Variants in STRN3 observed in about 807,000 individuals in gnomAD.
STRN3 encodes the protein striatin-3.
A neutral mutation model predicts 95.6 loss-of-function variants in STRN3; 29 were observed. The ratio of observed to expected loss-of-function variants is 0.30; its 90% CI spans 0.23 to 0.41. STRN3 has a LOEUF of 0.41. STRN3 is among the 10% of genes least tolerant of loss of function. STRN3 has a pLI of 1.00. For synonymous variants in STRN3, 331 were observed against 357.6 expected (o/e 0.93, Z 0.84); for missense variants, 890 against 972.1 (o/e 0.92, Z 1.12).
chr14:31,002,577 G>T (rs1046394109), intron 1 of STRN3, among the ~76,000 whole-genome samples: 6 of 151,212 alleles, frequency 4.0e-5, no homozygotes, highest in Non-Finnish European at 8.8e-5. Context: ...GGAAGCTGAG[G>T]TTACAGTGAG....
At chr14:30,900,012 G>C (rs1896261668) in intron 16 of STRN3, among the ~76,000 whole-genome samples, 1 of 151,906 alleles carries the variant, frequency 6.6e-6, no homozygotes, top group African/African-American at 2.4e-5. Flanking sequence ...GCAGTTACGG[G>C]GACAATCTAT....
At chr14:31,000,336 C>T (rs947427477) in intron 1 of STRN3, among the ~76,000 whole-genome samples, 2 of 151,324 alleles carry the variant, frequency 1.3e-5, no homozygotes, top group African/African-American at 4.9e-5. Flanking sequence ...GATGGGTATA[C>T]AATAGAGGGA....
chr14:30,943,076 T>C (rs967229745), intron 5 of STRN3, among the ~76,000 whole-genome samples: 5 of 152,214 alleles, frequency 3.3e-5, no homozygotes, highest in African/African-American at 7.2e-5. Context: ...CATCCTCTAC[T>C]TTTGGACATT....
intron 1 of STRN3, chr14:31,024,987 G>A (rs77942281): frequency 6.6e-6 from 1 of 152,298 alleles, no homozygotes; most frequent in Non-Finnish European, 1.5e-5. Flanking sequence ...CCTATCAAAG[G>A]TTCACATTAT....
rs142249228 is a variant in STRN3, at chr14:30,966,937, G to A, written c.283-10695C>T. Among the ~76,000 whole-genome samples the A allele has an allele frequency of 1.9e-3, 292 of 152,146 alleles. 2 individuals carry two copies. Among genetic ancestry groups the A allele is most frequent in the African/African-American group, 6.9e-3 (287 of 41,516 alleles). On this transcript the variant is annotated intron_variant, in intron 1 of 17. Transcript: ENST00000357479. ...CAAAGGACCTTCAGAAGGGGAAAGG[G>A]GGGAAGCAGGTCAACCTCCCAGGAC...
intron 16 of STRN3, among the ~76,000 whole-genome samples, chr14:30,899,497 G>C (rs1050108936): frequency 6.6e-6 from 1 of 152,144 alleles, no homozygotes. Context: ...ATACAGCATA[G>C]ATAAAAATTC....
chr14:31,005,289 GCCACTGCACT>G (rs1285217296), intron 1 of STRN3, among the ~76,000 whole-genome samples: 1 of 152,132 alleles, frequency 6.6e-6, no homozygotes, highest in Non-Finnish European at 1.5e-5. Flanking sequence ...CCGAGATCAC[GCCACTGCACT>G]CCAGCCTGGG....
At chr14:30,906,848 CTT>C (rs747613272) in intron 14 of STRN3, 27 bp downstream of exon 14, 1 of 1,589,138 alleles carries the variant, frequency 6.3e-7, no homozygotes, top group African/African-American at 1.4e-5. Flanking sequence ...AAAAAACTAA[CTT>C]TTCTCACAGA....
intron 8 of STRN3, among the ~76,000 whole-genome samples, chr14:30,926,858 T>C (rs1042395668): frequency 4.6e-5 from 7 of 152,180 alleles, no homozygotes; most frequent in African/African-American, 1.7e-4. Context: ...AAGTCCACTT[T>C]CATCCATTTC....
At chr14:30,997,725 T>A (rs190692025) in intron 1 of STRN3, among the ~76,000 whole-genome samples, 6 of 152,176 alleles carry the variant, frequency 3.9e-5, no homozygotes, top group African/African-American at 1.4e-4. Context: ...CCAAGATCCC[T>A]TGAACCCTCT....
intron 1 of STRN3, among the ~76,000 whole-genome samples, chr14:30,975,924 A>C (rs1881082414): frequency 6.6e-6 from 1 of 151,954 alleles, no homozygotes; most frequent in African/African-American, 2.4e-5. Context: ...AAACATTTTT[A>C]AACTACAGTT....
intron 13 of STRN3, among the ~76,000 whole-genome samples, chr14:30,908,208 A>C (rs951443334): frequency 4.6e-5 from 7 of 152,138 alleles, no homozygotes; most frequent in Non-Finnish European, 8.8e-5. Context: ...AGTGAAAAAA[A>C]ACTTGTTCCA....
intron 1 of STRN3, among the ~76,000 whole-genome samples, chr14:30,969,318 T>G (rs1383289027): frequency 6.6e-6 from 1 of 152,076 alleles, no homozygotes; most frequent in East Asian, 1.9e-4. Context: ...GTGCCTTTAG[T>G]GCCAGCTACT....
At chr14:31,007,889 C>T (rs76453124) in intron 1 of STRN3, among the ~76,000 whole-genome samples, 5,025 of 152,210 alleles carry the variant, frequency 0.033, 291 homozygotes, top group African/African-American at 0.12. Context: ...AAGACCCTGT[C>T]TCCGAAGTAA....
intron 1 of STRN3, among the ~76,000 whole-genome samples, chr14:30,986,485 G>T (rs1881700568): frequency 6.6e-6 from 1 of 152,140 alleles, no homozygotes; most frequent in Non-Finnish European, 1.5e-5. Context: ...GGACATATTT[G>T]CAAATAAGAC....
At chr14:30,967,090 T>C (rs879595863) in intron 1 of STRN3, among the ~76,000 whole-genome samples, 2 of 151,802 alleles carry the variant, frequency 1.3e-5, no homozygotes, top group African/African-American at 2.4e-5. Context: ...TGTTAAGGGG[T>C]TGAGCCTTCC....
intron 9 of STRN3, among the ~76,000 whole-genome samples, chr14:30,915,878 G>C (rs1280913160): frequency 6.6e-6 from 1 of 152,148 alleles, no homozygotes; most frequent in African/African-American, 2.4e-5. Flanking sequence ...GAAGTGTCTG[G>C]ACATTAGTTT....
Position 30,955,651 on chromosome 14 carries a change from T to C in STRN3, c.429A>G (p.Gln143=), listed in dbSNP as rs1056083358. ...CAAAGGTTGGCATTTTCAAGTCACC[T>C]TGGTTCAGTTCCGTGCCATATTTTA... ...HKLKYGTELN[Q]GDLKMPTFES... Residue 143 remains glutamine, a synonymous_variant, in exon 3 of 18, where the codon CAA becomes CAG. Coordinates refer to ENST00000357479, the MANE Select transcript of STRN3 (RefSeq NM_001083893.2). The C allele has an allele frequency of 1.3e-6, 2 of 1,583,064 alleles. No homozygotes were observed. The highest frequency in any genetic ancestry group is 1.9e-5 in the Admixed American group (1 of 52,234).
At chr14:30,981,605 CA>C (rs1236929141) in intron 1 of STRN3, among the ~76,000 whole-genome samples, 15 of 151,888 alleles carry the variant, frequency 9.9e-5, no homozygotes, top group East Asian at 9.7e-4. Context: ...CACACACACA[CA>C]CCCCATAATT....
Sources: gnomAD v4.1 joint callset for allele counts (sites outside exome capture counted in the v4.1 genomes callset) on GRCh38, gnomAD v4.1.1 for gene constraint, MANE v1.5 for transcripts, NCBI Gene and HGNC (gene_info 2026-07-23, HGNC 2026-07-21) for gene names.